AK9: variants seen among roughly 807,000 people sequenced by gnomAD.
The protein encoded by AK9 is adenylate kinase domain containing 1.
AK9 carries 191 observed loss-of-function variants against 239.6 expected under a neutral mutation model. The ratio of observed to expected loss-of-function variants is 0.80; its 90% confidence interval spans 0.71 to 0.90. The LOEUF is 0.90. Ranked by LOEUF, AK9 falls within the 40% of genes least tolerant of loss-of-function variation. AK9 has a pLI of 0.00. For synonymous variants in AK9, 689 were observed against 721.0 expected, an observed-to-expected ratio of 0.96 and a Z score of 0.71; for missense variants, 1,995 against 2,214.7, an observed-to-expected ratio of 0.90 and a Z score of 1.99.
At chr6:109,633,355 G>A (rs760661631) in intron 10 of AK9, 32 bp from the exon 11 acceptor site, 1 of 1,570,268 alleles carries the variant, frequency 6.4e-7, no homozygotes, top group Non-Finnish European at 8.5e-7. Context: ...TTAAAAATAT[G>A]GGCATAAATT....
At chr6:109,635,200 A>T (rs1224802629) in intron 10 of AK9, among the ~76,000 whole-genome samples, 1 of 152,242 alleles carries the variant, frequency 6.6e-6, no homozygotes, top group Non-Finnish European at 1.5e-5. Context: ...CTCACCAGTT[A>T]CAGCTACACA....
chr6:109,602,297 T>C (rs537246450), intron 17 of AK9, among the ~76,000 whole-genome samples: 31 of 152,178 alleles, frequency 2.0e-4, no homozygotes, highest in South Asian at 4.1e-4. Flanking sequence ...AGCATTTGCT[T>C]GTCTATAAAG....
chr6:109,552,860 C>G (rs1457667762), intron 24 of AK9, among the ~76,000 whole-genome samples: 1 of 152,114 alleles, frequency 6.6e-6, no homozygotes, highest in Non-Finnish European at 1.5e-5. Context: ...AGTCTTTAAT[C>G]CATCTTGAGT....
chr6:109,676,791 A>G (rs2128342939), intron 1 of AK9, among the ~76,000 whole-genome samples: 1 of 152,250 alleles, frequency 6.6e-6, no homozygotes, highest in African/African-American at 2.4e-5. Context: ...GCACACATGC[A>G]CACATATGCT....
Position 109,633,315 on chromosome 6 carries a change from T to G in AK9, c.942A>C (p.Leu314=). 1 of 1,596,698 alleles carries G rather than the reference T, an allele frequency of 6.3e-7. No individual in the cohort carries two copies. The highest frequency in any genetic ancestry group is 1.3e-5 in the African/African-American group (1 of 74,364). The part of the protein sequence containing the change: ...EINDTMENDE[L]FRTLASYKLI... ...GTTTATAAGATGCAAGAGTACGAAA[T>G]AGCTCATCCTGTGAATTGCAAATAC... is the stretch of plus-strand genomic sequence containing the variant. Residue 314 remains leucine (L), a synonymous_variant, in exon 11 of 41, where the codon CTA becomes CTC. Transcript: ENST00000424296.
At position 109,610,463 on chromosome 6, in the gene AK9, C is replaced by A. The variant is rs1409468444; in HGVS notation, c.1744G>T (p.Val582Leu). 6.4e-6 allele frequency: 10 copies of A among 1,551,286 alleles called. No homozygotes were observed. Among genetic ancestry groups the A allele is most frequent in the Non-Finnish European group, 8.7e-6 (10 of 1,146,850 alleles). ...TTTATAGTCTCTTCAATCATGGTCA[C>A]AACCTCTGGATGATCTGCAGTTACC... ...EEVTADHPEV[V>L]TMIEETIKMS... The change falls in exon 17 of 41, where the codon GTG becomes TTG. Residue 582 changes from valine (V) to leucine (L), a missense_variant. Coordinates refer to ENST00000424296, the MANE Select transcript of AK9 (RefSeq NM_001145128.3).
Position 109,550,230 on chromosome 6 carries a change from C to T in AK9, c.2824G>A (p.Glu942Lys). 1 of 1,613,346 alleles carries T rather than the reference C, an allele frequency of 6.2e-7. No homozygotes were observed. Among genetic ancestry groups the T allele is most frequent in the South Asian group, 1.1e-5 (1 of 91,074 alleles). The stretch of plus-strand genomic sequence containing the variant: ...TTTCCTGGTTGCAGGATGAAGTTTT[C>T]TTTGAGGACCACCGGACAAAAGTGT... ...TKHFCPVVLKENFILQPGNTE... is the reference protein window; with the variant it reads ...TKHFCPVVLKKNFILQPGNTE... The change falls in exon 25 of 41, where the codon GAA (glutamate) becomes AAA (lysine). Residue 942 changes from glutamate to lysine, a missense_variant. This residue lies in a region of AK9 where 1,290 missense variants were observed against 1,392.7 expected (regional missense o/e 0.93). Transcript: ENST00000424296.
At chr6:109,576,894 G>A (rs1788160986) in intron 20 of AK9, among the ~76,000 whole-genome samples, 1 of 150,072 alleles carries the variant, frequency 6.7e-6, no homozygotes, top group Non-Finnish European at 1.5e-5. Flanking sequence ...GCAGTGGCAT[G>A]ATCTCAGCTC....
chr6:109,634,934 G>T (rs996624791), intron 10 of AK9, among the ~76,000 whole-genome samples: 1 of 152,210 alleles, frequency 6.6e-6, no homozygotes, highest in African/African-American at 2.4e-5. Flanking sequence ...TCAACTTCAT[G>T]CCCATGGGGC....
At chr6:109,634,442 A>G (rs961782550) in intron 10 of AK9, among the ~76,000 whole-genome samples, 3 of 152,222 alleles carry the variant, frequency 2.0e-5, no homozygotes, top group African/African-American at 4.8e-5. Context: ...ATAGCAAAAG[A>G]AAATGAAGAG....
rs1787688530 is a variant in AK9 at position 109,573,505 on chromosome 6, G to A, written c.2281C>T (p.Arg761Ter). 1.4e-5 allele frequency: 21 copies of A among 1,551,354 alleles called. No homozygotes were observed. Among genetic ancestry groups the A allele is most frequent in the Non-Finnish European group, 1.6e-5 (18 of 1,146,776 alleles). Residue 761 changes from arginine (R) to a stop codon, truncating the protein, a stop_gained, in exon 21 of 41, where the codon CGA becomes TGA. Coordinates refer to ENST00000424296, the MANE Select transcript of AK9 (RefSeq NM_001145128.3). LOFTEE classifies it high-confidence loss of function. ...AACTCCTCAGGTAACCATGACCCTC[G>A]GGTATCGTGAGATGCCTCAGGCTCT... Reference protein sequence around the residue: ...HEEPEASHDTRGSWLPEEFEA... With the variant: ...HEEPEASHDT
chr6:109,617,016 T>A lies in AK9; in HGVS notation c.1399+2076A>T, dbSNP rs796449158. On this transcript the variant is annotated intron_variant, in intron 13 of 40. Coordinates refer to ENST00000424296, the MANE Select transcript of AK9 (RefSeq NM_001145128.3). ...AGCTTTCCAACATACTGTTAATAAC[T>A]ACTTAGAAAATATTATAAAAAGATC... Among the ~76,000 whole-genome samples, 6 of 152,190 alleles carry A rather than the reference T, an allele frequency of 3.9e-5. 1 individual carries two copies. The highest frequency in any genetic ancestry group is 1.4e-4 in the African/African-American group (6 of 41,556).
At chr6:109,689,151 T>A (rs1346342602) in intron 1 of AK9, among the ~76,000 whole-genome samples, 3 of 152,216 alleles carry the variant, frequency 2.0e-5, no homozygotes, top group Non-Finnish European at 4.4e-5. Context: ...GACCTCAGAT[T>A]AATTGCAGTA....
intron 24 of AK9, among the ~76,000 whole-genome samples, chr6:109,563,215 T>C (rs1020999234): frequency 2.0e-5 from 3 of 152,164 alleles, no homozygotes; most frequent in Non-Finnish European, 4.4e-5. Context: ...ATGAGAATGG[T>C]TGTCCAAATT....
At chr6:109,591,971 C>G (rs1170567131) in intron 17 of AK9, among the ~76,000 whole-genome samples, 1 of 151,870 alleles carries the variant, frequency 6.6e-6, no homozygotes, top group Non-Finnish European at 1.5e-5. Flanking sequence ...AGTATAAAAA[C>G]TGGTCTTGGA....
intron 10 of AK9, among the ~76,000 whole-genome samples, chr6:109,638,292 T>C (rs771143949): frequency 4.6e-5 from 7 of 152,190 alleles, no homozygotes; most frequent in Non-Finnish European, 8.8e-5. Context: ...CCAGCCTCTG[T>C]TCTGACCAAG....
chr6:109,583,939 T>C (rs1330140062), intron 19 of AK9, among the ~76,000 whole-genome samples: 2 of 152,162 alleles, frequency 1.3e-5, no homozygotes, highest in Middle Eastern at 3.2e-3. Flanking sequence ...TCCTTAATTA[T>C]CAACAGATTA....
chr6:109,584,463 A>C (rs1047728243), intron 19 of AK9, among the ~76,000 whole-genome samples: 1 of 152,156 alleles, frequency 6.6e-6, no homozygotes, highest in African/African-American at 2.4e-5. Flanking sequence ...TAAAACGTAA[A>C]GTATTTAAAG....
rs762297580 is a variant in AK9 at position 109,672,163 on chromosome 6, C to T, written c.186G>A (p.Leu62=). Residue 62 remains leucine (L), a synonymous_variant, in exon 4 of 41, where the codon TTG becomes TTA. Coordinates refer to ENST00000424296, the MANE Select transcript of AK9 (RefSeq NM_001145128.3). ...QAWKCIRVEA[L]PILEEQIAAE... ...CAGCAATCTGTTCTTCTAAAATTGG[C>T]AAAGCTAAAACATGAATTCAAAATA... 1 of 1,611,690 alleles carries T rather than the reference C, an allele frequency of 6.2e-7. No homozygotes were observed. The highest frequency in any genetic ancestry group is 2.2e-5 in the East Asian group (1 of 44,800).
Sources: allele counts gnomAD v4.1 joint callset (sites outside exome capture counted in the v4.1 genomes callset), GRCh38; gene constraint gnomAD v4.1.1; regional missense constraint gnomAD v4.1.1; transcripts MANE v1.5; gene names NCBI Gene and HGNC (gene_info 2026-07-23, HGNC 2026-07-21).